Variants in ASH1L observed in about 807,000 individuals in gnomAD.
ASH1L encodes the protein ASH1 like histone lysine methyltransferase, also known as histone-lysine N-methyltransferase ASH1L.
ASH1L carries 23 observed loss-of-function variants against 269.0 expected under a neutral mutation model. The ratio of observed to expected loss-of-function variants is 0.09; its 90% CI spans 0.06 to 0.12. ASH1L has a LOEUF of 0.12. Ranked by LOEUF, ASH1L falls within the 10% of genes least tolerant of loss-of-function variation. The pLI is 1.00. For missense variants in ASH1L, 2,912 were observed against 3,567.8 expected, an observed-to-expected ratio of 0.82 and a Z score of 4.68; for synonymous variants, 1,187 against 1,253.5, an observed-to-expected ratio of 0.95 and a Z score of 1.12.
intron 3 of ASH1L, among the ~76,000 whole-genome samples, chr1:155,476,673 T>C (rs2148715053): frequency 6.6e-6 from 1 of 151,548 alleles, no homozygotes; most frequent in East Asian, 2.0e-4. Context: ...TGCCTCAGCC[T>C]CCCGAGTAGC....
chr1:155,400,163 C>A (rs1186850393), intron 6 of ASH1L, among the ~76,000 whole-genome samples: 2 of 151,790 alleles, frequency 1.3e-5, no homozygotes, highest in Non-Finnish European at 1.5e-5. Context: ...CTGGCTAACA[C>A]GGTGAAACCC....
intron 2 of ASH1L, among the ~76,000 whole-genome samples, chr1:155,515,377 C>T (rs368451412): frequency 1.3e-5 from 2 of 152,092 alleles, no homozygotes; most frequent in African/African-American, 4.8e-5. Flanking sequence ...CAGCAGGATG[C>T]GTAAAATCCT....
chr1:155,412,744 G>A lies in ASH1L; in HGVS notation c.6008+3000C>T, dbSNP rs182696171. Among the ~76,000 whole-genome samples the A allele has an allele frequency of 3.0e-4, 46 of 152,182 alleles. No individual in the cohort carries two copies. The Middle Eastern group carries it at 0.014, about 45-fold the overall frequency. ...GTGACTGGTCTAAAGGGAGGGTGGC[G>A]GTCTTGGGAACTGAGCACCCAACCT... On this transcript the variant is annotated intron_variant, in intron 6 of 27. Transcript: ENST00000392403.
At position 155,357,636 on chromosome 1, in the gene ASH1L, T is replaced by C; in HGVS notation, c.6909A>G (p.Lys2303=). 6.2e-7 allele frequency: 1 copy of C among 1,614,132 alleles called. No individual in the cohort carries two copies. The highest frequency in any genetic ancestry group is 8.5e-7 in the Non-Finnish European group (1 of 1,180,012). Reference sequence around the variant, plus strand: ...TTCTCTTCTCTTTTGACCGTCCAGATTTTTTGTGTGTGGCCATGGGCTGGC... The same window carrying C: ...TTCTCTTCTCTTTTGACCGTCCAGACTTTTTGTGTGTGGCCATGGGCTGGC... ...KNSQPMATHK[K]SGRSKEKRKS... is the part of the protein sequence containing the mutation. The change falls in exon 14 of 28, where the codon AAA becomes AAG. Residue 2303 remains lysine, a synonymous_variant. Transcript: ENST00000392403.
intron 1 of ASH1L, among the ~76,000 whole-genome samples, chr1:155,543,877 C>G (rs967825830): frequency 1.3e-5 from 2 of 151,872 alleles, no homozygotes; most frequent in African/African-American, 4.8e-5. Flanking sequence ...GAGGCTGAGG[C>G]TGCAGTAAGT....
intron 27 of ASH1L, 43 bp downstream of exon 27, chr1:155,338,046 C>T (rs746602514): frequency 3.1e-5 from 49 of 1,566,068 alleles, no homozygotes; most frequent in East Asian, 2.0e-4. Flanking sequence ...CCTCTCATTT[C>T]GCATTTATCT....
chr1:155,373,287 T>C (rs1656146575), intron 10 of ASH1L, among the ~76,000 whole-genome samples: 1 of 151,550 alleles, frequency 6.6e-6, no homozygotes, highest in Non-Finnish European at 1.5e-5. Context: ...TTGTCACTGC[T>C]TTCTTTACTT....
At chr1:155,520,650 G>A (rs1571050994) in intron 2 of ASH1L, among the ~76,000 whole-genome samples, 1 of 151,854 alleles carries the variant, frequency 6.6e-6, no homozygotes, top group Non-Finnish European at 1.5e-5. Flanking sequence ...ATCACCTGAG[G>A]TCAGGAGTTT....
intron 15 of ASH1L, among the ~76,000 whole-genome samples, chr1:155,356,268 C>T (rs770842233): frequency 3.3e-5 from 5 of 152,072 alleles, no homozygotes; most frequent in Non-Finnish European, 4.4e-5. Flanking sequence ...TTCTCTACTG[C>T]GGACTCCTTT....
At chr1:155,550,983 G>A (rs142458397) in intron 1 of ASH1L, among the ~76,000 whole-genome samples, 7 of 152,020 alleles carry the variant, frequency 4.6e-5, no homozygotes, top group Non-Finnish European at 1.0e-4. Flanking sequence ...CACAATGCCT[G>A]GCTAATTTTT....
rs1451516042 is a variant in ASH1L, at chr1:155,480,429, C to A, written c.2441G>T (p.Cys814Phe). 1 of 1,613,988 alleles carries A rather than the reference C, an allele frequency of 6.2e-7. No individual in the cohort carries two copies. Among genetic ancestry groups the A allele is most frequent in the African/African-American group, 1.3e-5 (1 of 74,914 alleles). Residue 814 changes from cysteine (C) to phenylalanine (F), a missense_variant, in exon 3 of 28, where the codon TGT (cysteine) becomes TTT (phenylalanine). Cys to Phe is a radical substitution (Grantham distance 205). This residue lies in a region of ASH1L where 715 missense variants were observed against 721.0 expected (regional missense o/e 0.99). Transcript: ENST00000392403. ...ATCAGACAAAAGGTCACTAGAGACACACATACTGGAGGATAGTTTGTGAGT... is the reference window on the plus strand; with the variant it reads ...ATCAGACAAAAGGTCACTAGAGACAAACATACTGGAGGATAGTTTGTGAGT... Reference protein sequence around the residue: ...FATHKLSSSMCVSSDLLSDIY... With the variant: ...FATHKLSSSMFVSSDLLSDIY...
chr1:155,491,108 G>A (rs570320588), intron 2 of ASH1L, among the ~76,000 whole-genome samples: 23 of 150,086 alleles, frequency 1.5e-4, no homozygotes, highest in Admixed American at 3.3e-4. Context: ...CTCCTGCAGT[G>A]AAAAGCTGTT....
intron 3 of ASH1L, among the ~76,000 whole-genome samples, chr1:155,477,657 ATTTC>A (rs1432441511): frequency 2.6e-5 from 4 of 152,236 alleles, no homozygotes; most frequent in African/African-American, 4.8e-5. Flanking sequence ...AGTTATGTAT[ATTTC>A]TTTCTTTTTT....
chr1:155,548,091 TCA>T (rs1343892100), intron 1 of ASH1L, among the ~76,000 whole-genome samples: 1 of 151,944 alleles, frequency 6.6e-6, no homozygotes, highest in Admixed American at 6.6e-5. Flanking sequence ...CCGCATGTTC[TCA>T]CCCATAAGTG....
At chr1:155,453,296 A>C (rs1663630834) in intron 4 of ASH1L, among the ~76,000 whole-genome samples, 1 of 152,164 alleles carries the variant, frequency 6.6e-6, no homozygotes, top group Admixed American at 6.5e-5. Flanking sequence ...CAAAGGCTGC[A>C]GTGAGCCATG....
At chr1:155,412,547 A>G (rs1014366451) in intron 6 of ASH1L, among the ~76,000 whole-genome samples, 3 of 152,220 alleles carry the variant, frequency 2.0e-5, no homozygotes, top group African/African-American at 4.8e-5. Context: ...CTTCCCCAGT[A>G]TATGTCTTCA....
intron 5 of ASH1L, among the ~76,000 whole-genome samples, chr1:155,435,073 A>G (rs1571208596): frequency 2.6e-5 from 4 of 152,130 alleles, no homozygotes; most frequent in East Asian, 3.9e-4. Context: ...CATGAGAATC[A>G]CTTGAACCCA....
intron 2 of ASH1L, among the ~76,000 whole-genome samples, chr1:155,506,024 T>C (rs1667797241): frequency 6.6e-6 from 1 of 151,656 alleles, no homozygotes; most frequent in African/African-American, 2.4e-5. Context: ...ATGTGTGATG[T>C]TTCCCACCCT....
chr1:155,352,633 T>A, intron 17 of ASH1L, 73 bp downstream of exon 17: 1 of 1,434,130 alleles, frequency 7.0e-7, no homozygotes, highest in South Asian at 1.5e-5. Flanking sequence ...AGCAAGACCC[T>A]ATCTCTATTT....
Sources: gnomAD v4.1 joint callset for allele counts (sites outside exome capture counted in the v4.1 genomes callset) on GRCh38, gnomAD v4.1.1 for gene constraint, gnomAD v4.1.1 regional missense constraint, MANE v1.5 for transcripts, NCBI Gene and HGNC (gene_info 2026-07-23, HGNC 2026-07-21) for gene names.